PTGER4: variants seen among roughly 807,000 people sequenced by gnomAD.
PTGER4 encodes the protein prostaglandin E2 receptor EP4 subtype.
PTGER4 carries 11 observed loss-of-function variants against 33.2 expected under a neutral mutation model. The observed-to-expected ratio is 0.33, with a 90% CI of 0.21 to 0.55. The LOEUF (loss-of-function observed/expected upper bound fraction) is 0.55, where lower values mean the gene tolerates loss of function less well. PTGER4 is among the 20% of genes least tolerant of loss of function. PTGER4 has a pLI of 0.92. For missense variants in PTGER4, 481 were observed against 650.2 expected, an observed-to-expected ratio of 0.74 and a Z score of 2.83; for synonymous variants, 275 against 281.5, an observed-to-expected ratio of 0.98 and a Z score of 0.23.
chr5:40,739,307 G>T, the PTGER4 span, among the ~76,000 whole-genome samples: 4 of 152,148 alleles, frequency 2.6e-5, no homozygotes, highest in African/African-American at 9.7e-5. Flanking sequence ...CTGGGATTTC[G>T]ATTGGAATTG....
At chr5:40,731,549 A>G in the PTGER4 span, among the ~76,000 whole-genome samples, 1 of 152,342 alleles carries the variant, frequency 6.6e-6, no homozygotes, top group South Asian at 2.1e-4. Flanking sequence ...TGGAGGCACG[A>G]GAGAGAAATG....
chr5:40,685,491 T>C, intron 2 of PTGER4: 1 of 978,030 alleles, frequency 1.0e-6, no homozygotes, highest in Non-Finnish European at 1.2e-6. Flanking sequence ...TGGGTATGAC[T>C]ATGACAGAAT....
the PTGER4 span, among the ~76,000 whole-genome samples, chr5:40,709,431 C>A: frequency 1.5e-3 from 227 of 152,292 alleles, no homozygotes; most frequent in Non-Finnish European, 1.7e-3. Context: ...CTCCCATTCA[C>A]AACTGCTTCA....
At chr5:40,728,509 G>A in the PTGER4 span, 1 of 1,555,506 alleles carries the variant, frequency 6.4e-7, no homozygotes, top group South Asian at 1.2e-5. Flanking sequence ...AAATCTGTCA[G>A]TAATATTCAT....
At chr5:40,739,945 A>C in the PTGER4 span, among the ~76,000 whole-genome samples, 1 of 151,936 alleles carries the variant, frequency 6.6e-6, no homozygotes, top group Non-Finnish European at 1.5e-5. Context: ...GCTTTTTTTT[A>C]AAAATAAAGT....
the PTGER4 span, among the ~76,000 whole-genome samples, chr5:40,741,565 C>T: frequency 6.6e-6 from 1 of 152,196 alleles, no homozygotes; most frequent in South Asian, 2.1e-4. Flanking sequence ...TGGTACTCTA[C>T]TCTGCAACTT....
At chr5:40,738,567 T>TAAAATATAAAATAAA in the PTGER4 span, among the ~76,000 whole-genome samples, 6 of 67,590 alleles carry the variant, frequency 8.9e-5, no homozygotes, top group Non-Finnish European at 1.3e-4. Flanking sequence ...TAAAATAAAA[T>TAAAATATAAAATAAA]ATAAAATAAA....
chr5:40,739,813 T>C, the PTGER4 span, among the ~76,000 whole-genome samples: 1 of 152,216 alleles, frequency 6.6e-6, no homozygotes, highest in Non-Finnish European at 1.5e-5. Flanking sequence ...TGTATATTTA[T>C]TGATTTATTT....
At chr5:40,723,555 T>C in the PTGER4 span, among the ~76,000 whole-genome samples, 1 of 148,408 alleles carries the variant, frequency 6.7e-6, no homozygotes, top group East Asian at 2.0e-4. Flanking sequence ...TCTGTTAAAA[T>C]GGGTATTATC....
rs1230328516 is a variant in PTGER4, at chr5:40,692,574, G to A, written c.*196G>A. The stretch of plus-strand genomic sequence containing the variant: ...TGGGTCCTGAGGCCTGCAGCACGTC[G>A]GATGCTACCCCACTATGACAGAGGA... On this transcript the variant is annotated 3_prime_UTR_variant, in exon 3 of 3. Coordinates refer to ENST00000302472, the MANE Select transcript of PTGER4 (RefSeq NM_000958.3). The A allele has an allele frequency of 1.6e-5, 22 of 1,369,966 alleles. No individual in the cohort carries two copies. Among genetic ancestry groups the A allele is most frequent in the Middle Eastern group, 2.7e-4 (1 of 3,670 alleles). 84.9% of individuals were successfully genotyped at this position (1,369,966 alleles called of 1,614,324 possible). A position where few individuals can be genotyped will look rare whatever the true frequency, so the allele number is the denominator to read the frequency against.
At chr5:40,730,223 C>T in the PTGER4 span, 5,075 of 1,507,134 alleles carry the variant, frequency 3.4e-3, 13 homozygotes, top group Non-Finnish European at 4.1e-3. Flanking sequence ...AAACATAGCA[C>T]AATTTCATAA....
At position 40,691,531 on chromosome 5, in the gene PTGER4, G is replaced by C. The variant is rs1345849443; in HGVS notation, c.868-248G>C. ...GGGTTTCGCCATGTTGGACAAGTTG[G>C]TCTCGGACTCCTGACCTCAAGTGAT... On this transcript the variant is annotated intron_variant, in intron 2 of 2. Transcript: ENST00000302472. The surrounding 1 kb of genome is among the most constrained non-coding windows in gnomAD (Gnocchi z 4.2). Among the ~76,000 whole-genome samples, 1 of 151,998 alleles carries C rather than the reference G, an allele frequency of 6.6e-6. No homozygotes were observed.
downstream of PTGER4, among the ~76,000 whole-genome samples, chr5:40,696,930 C>T (rs1231238584): frequency 6.8e-6 from 1 of 146,312 alleles, no homozygotes; most frequent in Non-Finnish European, 1.5e-5. Flanking sequence ...GTGATGTCCC[C>T]ATGGTAAGAA....
the PTGER4 span, among the ~76,000 whole-genome samples, chr5:40,718,329 C>T: frequency 6.6e-6 from 1 of 151,974 alleles, no homozygotes; most frequent in African/African-American, 2.4e-5. Flanking sequence ...TTGTTTGAAC[C>T]CCGGAGGCAG....
intron 2 of PTGER4, among the ~76,000 whole-genome samples, chr5:40,682,937 A>C (rs922658705): frequency 6.6e-6 from 1 of 152,240 alleles, no homozygotes; most frequent in African/African-American, 2.4e-5. Flanking sequence ...AAATATGATA[A>C]ACAGAAAGGC....
the PTGER4 span, among the ~76,000 whole-genome samples, chr5:40,719,357 A>G: frequency 6.6e-6 from 1 of 152,234 alleles, no homozygotes; most frequent in Non-Finnish European, 1.5e-5. Flanking sequence ...TATTGTTTTT[A>G]AAGTTCATCC....
the PTGER4 span, among the ~76,000 whole-genome samples, chr5:40,734,345 G>T: frequency 3.2e-5 from 4 of 125,846 alleles, no homozygotes; most frequent in Admixed American, 7.8e-5. Flanking sequence ...CAGCCCTACT[G>T]CAGCTGTTGG....
Position 40,692,123 on chromosome 5 carries a change from C to G in PTGER4, c.1212C>G (p.Leu404=). The G allele has an allele frequency of 6.2e-7, 1 of 1,614,256 alleles. No homozygotes were observed. Among genetic ancestry groups the G allele is most frequent in the Non-Finnish European group, 8.5e-7 (1 of 1,180,054 alleles). The change falls in exon 3 of 3, where the codon CTC becomes CTG. Residue 404 remains leucine (L), a synonymous_variant. Transcript: ENST00000302472. ...TGCCAGACCTCTCACTGCCAGACCTCAGTGAAAATGGCCTTGGAGGCAGGA... is the reference window on the plus strand; with the variant it reads ...TGCCAGACCTCTCACTGCCAGACCTGAGTGAAAATGGCCTTGGAGGCAGGA... ...TLLPDLSLPD[L]SENGLGGRNL...
At chr5:40,723,418 A>C in the PTGER4 span, among the ~76,000 whole-genome samples, 1 of 152,086 alleles carries the variant, frequency 6.6e-6, no homozygotes. Context: ...AGAAACACCC[A>C]AGAATGATCA....
Sources: gnomAD v4.1 joint callset for allele counts (sites outside exome capture counted in the v4.1 genomes callset) on GRCh38, gnomAD v4.1.1 for gene constraint, Gnocchi (gnomAD v3.1) non-coding constraint, MANE v1.5 for transcripts, NCBI Gene and HGNC (gene_info 2026-07-23, HGNC 2026-07-21) for gene names.